The following RIMBP2 variants were observed in gnomAD, a reference collection of about 807,000 sequenced individuals.
RIMBP2 encodes the protein RIMS binding protein 2.
A neutral mutation model predicts 118.6 loss-of-function variants in RIMBP2; 48 were observed. The ratio of observed to expected loss-of-function variants is 0.40; its 90% CI spans 0.32 to 0.51. RIMBP2 has a LOEUF of 0.51. Ranked by LOEUF, RIMBP2 falls within the 20% of genes least tolerant of loss-of-function variation. The probability of loss-of-function intolerance (pLI) is 0.41; values close to 1 mark genes in which losing one functional copy is unlikely to be tolerated. For missense variants in RIMBP2, 1,551 were observed against 1,768.3 expected, an observed-to-expected ratio of 0.88 and a Z score of 2.20; for synonymous variants, 762 against 742.9, an observed-to-expected ratio of 1.03 and a Z score of -0.42.
intron 1 of RIMBP2, among the ~76,000 whole-genome samples, chr12:130,715,333 G>A (rs888991652): frequency 6.6e-6 from 1 of 152,126 alleles, no homozygotes; most frequent in African/African-American, 2.4e-5. Flanking sequence ...ACCAGGCCGG[G>A]AGGTGAAGCA....
intron 21 of RIMBP2, among the ~76,000 whole-genome samples, chr12:130,402,982 A>G (rs1211480028): frequency 1.3e-5 from 2 of 152,176 alleles, no homozygotes; most frequent in African/African-American, 4.8e-5. Context: ...GAAATAGCAA[A>G]AGGAGGAAAA....
At chr12:130,438,335 A>ACGGGGGGGGCCCCCCC in intron 12 of RIMBP2, 30 bp downstream of exon 12, 1 of 865,014 alleles carries the variant, frequency 1.2e-6, no homozygotes, top group Non-Finnish European at 1.9e-6. Context: ...GGCCTAACAA[A>ACGGGGGGGGCCCCCCC]CCCTCCCCAC....
At chr12:130,595,512 A>G (rs2059503736) in intron 2 of RIMBP2, among the ~76,000 whole-genome samples, 1 of 152,118 alleles carries the variant, frequency 6.6e-6, no homozygotes. Flanking sequence ...ATCACGCCAC[A>G]GCACTCCAGC....
intron 2 of RIMBP2, among the ~76,000 whole-genome samples, chr12:130,582,526 G>A (rs563787103): frequency 1.4e-4 from 22 of 152,318 alleles, no homozygotes; most frequent in African/African-American, 4.1e-4. Flanking sequence ...CACCATGAGC[G>A]GCTCTGGTGA....
rs1566422046 is a variant in RIMBP2 at position 130,646,097 on chromosome 12, ACCTCCCTCT to A, written c.-351-17650_-351-17642del. ...CACCTCCCTCACCACTTCCCTCTCC[ACCTCCCTCT>A]CCACCTCCCTCACCACCTGCCTCTC... On this transcript the variant is annotated intron_variant, in intron 1 of 22. Transcript: ENST00000690449. Among the ~76,000 whole-genome samples the A allele has an allele frequency of 1.8e-4, 22 of 119,384 alleles. 2 individuals carry two copies. Among genetic ancestry groups the A allele is most frequent in the East Asian group, 9.1e-4 (4 of 4,388 alleles). The allele number at this position is 119,384 out of a possible 152,430, so 78.3% of individuals were successfully genotyped here. A position where few individuals can be genotyped will look rare whatever the true frequency, so the allele number is the denominator to read the frequency against.
In RIMBP2 at chr12:130,710,054, C is replaced by A. The variant is rs951785467; in HGVS notation, c.-352+6168G>T. ...CCTGGTTTCCGGGTATCCCTGGGAGCTCACGGGTGGACACCGAGGGTCTCC... is the reference window on the plus strand; with the variant it reads ...CCTGGTTTCCGGGTATCCCTGGGAGATCACGGGTGGACACCGAGGGTCTCC... On this transcript the variant is annotated intron_variant, in intron 1 of 22. Coordinates refer to ENST00000690449, the MANE Select transcript of RIMBP2 (RefSeq NM_001393629.1). The surrounding 1 kb of genome is among the most constrained non-coding windows in gnomAD (Gnocchi z 4.3). 6.6e-6 allele frequency among the ~76,000 whole-genome samples: 1 copy of A among 152,174 alleles called. No individual in the cohort carries two copies. The highest frequency in any genetic ancestry group is 1.5e-5 in the Non-Finnish European group (1 of 68,030).
intron 1 of RIMBP2, among the ~76,000 whole-genome samples, chr12:130,709,033 G>A (rs923791548): frequency 1.3e-5 from 2 of 152,250 alleles, no homozygotes; most frequent in African/African-American, 2.4e-5. Flanking sequence ...TGCCGCAGAA[G>A]GGCTGTGTCA....
chr12:130,554,470 A>G (rs2139776547), intron 2 of RIMBP2, among the ~76,000 whole-genome samples: 1 of 152,332 alleles, frequency 6.6e-6, no homozygotes, highest in South Asian at 2.1e-4. Flanking sequence ...TATGAAATGG[A>G]TACAATATAC....
rs551563029 is a variant in RIMBP2, at chr12:130,676,537, C to T, written c.-352+39685G>A. ...ACTCAGGAGGCTGAGGCAGGAGAATCGCTTGAACCCGGGAGGTGGAGGTTG... is the reference window on the plus strand; with the variant it reads ...ACTCAGGAGGCTGAGGCAGGAGAATTGCTTGAACCCGGGAGGTGGAGGTTG... On this transcript the variant is annotated intron_variant, in intron 1 of 22. Transcript: ENST00000690449. 5.3e-5 allele frequency among the ~76,000 whole-genome samples: 8 copies of T among 151,586 alleles called. No individual in the cohort carries two copies. In the East Asian group the frequency reaches 5.9e-4, roughly 11 times the overall value.
At chr12:130,423,384 C>T (rs2076541018) in intron 16 of RIMBP2, among the ~76,000 whole-genome samples, 2 of 152,196 alleles carry the variant, frequency 1.3e-5, no homozygotes, top group East Asian at 1.9e-4. Context: ...GGGCCCATCG[C>T]AAGCACACGG....
chr12:130,695,437 C>T (rs1252119329), intron 1 of RIMBP2, among the ~76,000 whole-genome samples: 7 of 152,160 alleles, frequency 4.6e-5, no homozygotes, highest in African/African-American at 1.2e-4. Flanking sequence ...GTTAAACACT[C>T]GACATTTAAA....
At chr12:130,701,464 G>A (rs996256364) in intron 1 of RIMBP2, among the ~76,000 whole-genome samples, 16 of 152,154 alleles carry the variant, frequency 1.1e-4, no homozygotes, top group African/African-American at 2.9e-4. Context: ...AAAGAATGCC[G>A]ACAGCCAGTA....
At chr12:130,648,988 T>G (rs1566425974) in intron 1 of RIMBP2, among the ~76,000 whole-genome samples, 1 of 145,380 alleles carries the variant, frequency 6.9e-6, no homozygotes, top group African/African-American at 2.5e-5. Flanking sequence ...CACCACGGGT[T>G]AAATACTGTG....
At chr12:130,406,059 G>T (rs568422211) in intron 21 of RIMBP2, 113 bp downstream of exon 21, 5 of 689,992 alleles carry the variant, frequency 7.2e-6, no homozygotes, top group Non-Finnish European at 1.3e-5. Context: ...ATCAGCAGGC[G>T]TATGACGTTC....
rs555486297 is a variant in RIMBP2 at position 130,424,802 on chromosome 12, G to A, written c.2469C>T (p.Pro823=). The A allele has an allele frequency of 1.2e-4, 151 of 1,232,728 alleles. 1 individual carries two copies. The South Asian group carries it at 5.2e-3, about 42-fold the overall frequency. The allele number at this position is 1,232,728 out of a possible 1,614,324, so 76.4% of individuals were successfully genotyped here. Residue 823 remains proline (P), a synonymous_variant, in exon 16 of 23, where the codon CCC becomes CCT. Transcript: ENST00000690449. This position sits in a 1 kb window ranked among gnomAD's most constrained non-coding sequence, Gnocchi z 9.8. ...AAAGTCTCTTCCTGTGGGGCTGGTG[G>A]GGAAACTCGGGCTGCTCCCAGAAAG... ...EGTFWEQPEF[P]HQPHRKRLFS...
At chr12:130,534,202 T>C (rs1400787066) in intron 2 of RIMBP2, among the ~76,000 whole-genome samples, 2 of 115,528 alleles carry the variant, frequency 1.7e-5, no homozygotes, top group Non-Finnish European at 3.3e-5. Context: ...AGTAGAATGA[T>C]AGACACTGGA....
rs10773785 is a variant in RIMBP2 at position 130,475,019 on chromosome 12, A to G, written c.102+3893T>C. 0.38 allele frequency among the ~76,000 whole-genome samples: 58,077 copies of G among 151,910 alleles called. 11,633 individuals carry two copies. Among genetic ancestry groups the G allele is most frequent in the Middle Eastern group, 0.51 (150 of 294 alleles). Reference sequence around the variant, plus strand: ...CCAGGAAGCACGCGTCTCCCGGGAGAGCCTGAGGTTACCAGCAGACAGCGT... The same window carrying G: ...CCAGGAAGCACGCGTCTCCCGGGAGGGCCTGAGGTTACCAGCAGACAGCGT... On this transcript the variant is annotated intron_variant, in intron 5 of 22. Transcript: ENST00000690449. The surrounding 1 kb of genome is among the most constrained non-coding windows in gnomAD (Gnocchi z 4.1).
chr12:130,445,454 C>A (rs115480407), intron 9 of RIMBP2, among the ~76,000 whole-genome samples, 185 bp from the exon 10 acceptor site: 1 of 152,312 alleles, frequency 6.6e-6, no homozygotes, highest in African/African-American at 2.4e-5. Flanking sequence ...CCAGCTCACA[C>A]ACACAGATTT....
chr12:130,468,134 G>A (rs1215442381), intron 6 of RIMBP2, among the ~76,000 whole-genome samples: 1 of 152,162 alleles, frequency 6.6e-6, no homozygotes, highest in East Asian at 1.9e-4. Flanking sequence ...TGGGTGAGTG[G>A]GTGGGACTTG....
Sources: allele counts gnomAD v4.1 joint callset (sites outside exome capture counted in the v4.1 genomes callset), GRCh38; gene constraint gnomAD v4.1.1; non-coding constraint Gnocchi (gnomAD v3.1); transcripts MANE v1.5; gene names NCBI Gene and HGNC (gene_info 2026-07-23, HGNC 2026-07-21).